The following ITGA9 variants were observed in gnomAD, a reference collection of about 807,000 sequenced individuals.
The protein encoded by ITGA9 is integrin subunit alpha 9.
In ITGA9, 56 loss-of-function variants were observed where a neutral mutation model predicts 127.8. The ratio of observed to expected loss-of-function variants is 0.44; its 90% CI spans 0.35 to 0.55. ITGA9 has a LOEUF of 0.55. ITGA9 is among the 20% of genes least tolerant of loss of function. The probability of loss-of-function intolerance (pLI) is 0.00; values close to 1 mark genes in which losing one functional copy is unlikely to be tolerated. For missense variants in ITGA9, 1,196 were observed against 1,347.1 expected, an observed-to-expected ratio of 0.89 and a Z score of 1.76; for synonymous variants, 508 against 514.5, an observed-to-expected ratio of 0.99 and a Z score of 0.17.
intron 15 of ITGA9, among the ~76,000 whole-genome samples, chr3:37,542,842 G>A (rs991102189): frequency 6.6e-6 from 1 of 152,058 alleles, no homozygotes; most frequent in Non-Finnish European, 1.5e-5. Context: ...GCTTTGACTT[G>A]TTCTTTTGAG....
chr3:37,805,104 C>T (rs964288657), intron 27 of ITGA9, among the ~76,000 whole-genome samples: 2 of 151,920 alleles, frequency 1.3e-5, no homozygotes, highest in African/African-American at 4.8e-5. Context: ...TTCTGTCACC[C>T]AGGCTGGAAG....
chr3:37,797,986 A>ATTTAT (rs568844363), intron 26 of ITGA9, among the ~76,000 whole-genome samples: 22 of 151,024 alleles, frequency 1.5e-4, no homozygotes, highest in Non-Finnish European at 2.5e-4. Context: ...TACCCAACCT[A>ATTTAT]TTTATTTTAT....
chr3:37,500,808 C>T (rs533149227), intron 5 of ITGA9, among the ~76,000 whole-genome samples: 3 of 152,188 alleles, frequency 2.0e-5, no homozygotes, highest in South Asian at 2.1e-4. Flanking sequence ...GACCAAGGGA[C>T]GGGGTGCAGG....
chr3:37,612,210 C>T (rs949615495), intron 15 of ITGA9, among the ~76,000 whole-genome samples: 1 of 152,146 alleles, frequency 6.6e-6, no homozygotes, highest in African/African-American at 2.4e-5. Context: ...CATTTCTGTG[C>T]GTGGACGCCT....
chr3:37,683,753 AAC>A, intron 17 of ITGA9, 110 bp from the exon 18 acceptor site: 1 of 1,080,246 alleles, frequency 9.3e-7, no homozygotes, highest in East Asian at 2.5e-5. Context: ...GGGCTCCTGG[AAC>A]TTGTAGTTCT....
chr3:37,620,888 C>T (rs1700121198), intron 15 of ITGA9, among the ~76,000 whole-genome samples: 1 of 152,172 alleles, frequency 6.6e-6, no homozygotes, highest in Non-Finnish European at 1.5e-5. Flanking sequence ...TTTGCTCACA[C>T]TCCTCCTATT....
At chr3:37,577,502 C>T (rs1395102809) in intron 15 of ITGA9, among the ~76,000 whole-genome samples, 1 of 152,202 alleles carries the variant, frequency 6.6e-6, no homozygotes, top group Non-Finnish European at 1.5e-5. Flanking sequence ...ATGGGTTTTC[C>T]CAGCCATCTT....
At chr3:37,463,231 G>T (rs182937032) in intron 1 of ITGA9, among the ~76,000 whole-genome samples, 2 of 152,204 alleles carry the variant, frequency 1.3e-5, no homozygotes, top group East Asian at 1.9e-4. Context: ...GCTTGATGAC[G>T]TATCTGTTTT....
At chr3:37,473,093 C>T (rs1477872077) in intron 2 of ITGA9, among the ~76,000 whole-genome samples, 3 of 125,494 alleles carry the variant, frequency 2.4e-5, no homozygotes, top group African/African-American at 3.1e-5. Context: ...GAGCTGAGAT[C>T]GTGCCACTGC....
At chr3:37,531,738 A>G (rs918914259) in intron 13 of ITGA9, among the ~76,000 whole-genome samples, 8 of 152,172 alleles carry the variant, frequency 5.3e-5, no homozygotes, top group African/African-American at 1.9e-4. Flanking sequence ...TAAAATTTGT[A>G]CTTATTTAAC....
At chr3:37,547,904 A>G (rs531853134) in intron 15 of ITGA9, among the ~76,000 whole-genome samples, 3 of 152,250 alleles carry the variant, frequency 2.0e-5, no homozygotes, top group Non-Finnish European at 4.4e-5. Flanking sequence ...AAAGGCAACC[A>G]CAGTTCCATT....
At chr3:37,741,639 T>A (rs1433140665) in intron 20 of ITGA9, 91 bp from the exon 21 acceptor site, 16 of 989,618 alleles carry the variant, frequency 1.6e-5, no homozygotes, top group Non-Finnish European at 2.4e-5. Context: ...TTGGAGAATG[T>A]AGAGATTCAA....
intron 27 of ITGA9, among the ~76,000 whole-genome samples, 185 bp downstream of exon 27, chr3:37,804,127 A>T (rs962697317): frequency 1.3e-5 from 2 of 152,134 alleles, no homozygotes; most frequent in Non-Finnish European, 2.9e-5. Context: ...ACAACTGAGG[A>T]TTTGGACCAC....
At chr3:37,540,972 G>T (rs528203685) in intron 14 of ITGA9, among the ~76,000 whole-genome samples, 1 of 152,338 alleles carries the variant, frequency 6.6e-6, no homozygotes, top group African/African-American at 2.4e-5. Flanking sequence ...TGCCAGCTCG[G>T]CATGGCAAGA....
intron 5 of ITGA9, 149 bp downstream of exon 5, chr3:37,494,717 G>C: frequency 1.4e-6 from 1 of 730,614 alleles, no homozygotes; most frequent in Non-Finnish European, 2.5e-6. Flanking sequence ...CACCAGAGGA[G>C]GCTATTTCTA....
chr3:37,617,369 G>C (rs565799976), intron 15 of ITGA9, among the ~76,000 whole-genome samples: 22 of 152,164 alleles, frequency 1.4e-4, no homozygotes, highest in African/African-American at 5.3e-4. Context: ...TGGGTAACCC[G>C]ACCTTTCTCT....
Position 37,513,884 on chromosome 3 carries a change from A to G in ITGA9, c.1019A>G (p.Tyr340Cys), listed in dbSNP as rs749755032. The change falls in exon 9 of 28, where the codon TAC (tyrosine) becomes TGC (cysteine). Residue 340 changes from tyrosine to cysteine, a missense_variant. Transcript: ENST00000264741. ...EIRDEGQVTV[Y>C]INRGNGALEE... ...AGGGATGAGGGACAGGTCACTGTCT[A>G]CATCAACAGAGGAAATGTGAGTACA... 1.9e-6 allele frequency: 3 copies of G among 1,613,458 alleles called. No individual in the cohort carries two copies. The highest frequency in any genetic ancestry group is 2.5e-6 in the Non-Finnish European group (3 of 1,180,010).
At chr3:37,582,628 C>A (rs1699720374) in intron 15 of ITGA9, among the ~76,000 whole-genome samples, 1 of 152,088 alleles carries the variant, frequency 6.6e-6, no homozygotes, top group Admixed American at 6.5e-5. Flanking sequence ...GACTGTTAGT[C>A]CATGGAGTGG....
intron 25 of ITGA9, among the ~76,000 whole-genome samples, chr3:37,782,560 A>G (rs1248182149): frequency 1.3e-5 from 2 of 152,224 alleles, no homozygotes; most frequent in Non-Finnish European, 2.9e-5. Context: ...CCAGGTGCAG[A>G]GAAAAGCTTA....
Sources: gnomAD v4.1 joint callset for allele counts (sites outside exome capture counted in the v4.1 genomes callset) on GRCh38, gnomAD v4.1.1 for gene constraint, MANE v1.5 for transcripts, NCBI Gene and HGNC (gene_info 2026-07-23, HGNC 2026-07-21) for gene names.